The following HSPA12B variants were observed in gnomAD, a reference collection of about 807,000 sequenced individuals.
The protein encoded by HSPA12B is heat shock 70 kDa protein 12B.
HSPA12B carries 54 observed loss-of-function variants against 69.3 expected under a neutral mutation model. The observed-to-expected ratio is 0.78, with a 90% CI of 0.63 to 0.98. The LOEUF (loss-of-function observed/expected upper bound fraction) is 0.98, where lower values mean the gene tolerates loss of function less well. Ranked by LOEUF, HSPA12B falls within the 50% of genes least tolerant of loss-of-function variation. HSPA12B has a pLI of 0.00. For missense variants in HSPA12B, 929 were observed against 999.8 expected, an observed-to-expected ratio of 0.93 and a Z score of 0.96; for synonymous variants, 441 against 436.5, an observed-to-expected ratio of 1.01 and a Z score of -0.13.
chr20:3,748,540 G>A, intron 8 of HSPA12B, 149 bp downstream of exon 8: 1 of 813,562 alleles, frequency 1.2e-6, no homozygotes, highest in Non-Finnish European at 1.8e-6. Context: ...GGTGGAGCCT[G>A]TCTGAGGAAG....
At chr20:3,738,861 T>A in intron 2 of HSPA12B, 144 bp downstream of exon 2, 1 of 797,654 alleles carries the variant, frequency 1.3e-6, no homozygotes, top group Admixed American at 2.1e-5. Context: ...TGTGTGTGCA[T>A]GTGTGCAGGG....
At position 3,745,138 on chromosome 20, in the gene HSPA12B, C is replaced by A; in HGVS notation, c.453+50C>A. The A allele has an allele frequency of 2.9e-6, 4 of 1,389,340 alleles. No individual in the cohort carries two copies. The highest frequency in any genetic ancestry group is 4.0e-6 in the Non-Finnish European group (4 of 988,780). 86.1% of individuals were successfully genotyped at this position (1,389,340 alleles called of 1,614,324 possible). On this transcript the variant is annotated intron_variant, in intron 5 of 12. Coordinates refer to ENST00000254963, the MANE Select transcript of HSPA12B (RefSeq NM_052970.5). The surrounding 1 kb of genome is among the most constrained non-coding windows in gnomAD (Gnocchi z 5.6). ...GAGGCGGGGCCAGCATGGAAAAGGG[C>A]AGGGCTAATGGGGGTGGGTGGGACA...
At position 3,749,323 on chromosome 20, in the gene HSPA12B, G is replaced by A. The variant is rs747310620; in HGVS notation, c.937+5G>A. The A allele has an allele frequency of 5.6e-6, 9 of 1,611,626 alleles. No homozygotes were observed. The highest frequency in any genetic ancestry group is 6.8e-6 in the Non-Finnish European group (8 of 1,178,544). On this transcript the variant is annotated splice_donor_5th_base_variant and intron_variant, in intron 9 of 12. Transcript: ENST00000254963. The surrounding 1 kb of genome is among the most constrained non-coding windows in gnomAD (Gnocchi z 5.5). Reference sequence around the variant, plus strand: ...TGTGGGCAGAGATGCAAGCAGGTAGGGGGAAAGGGGGACGGAGTGTTATCC... The same window carrying A: ...TGTGGGCAGAGATGCAAGCAGGTAGAGGGAAAGGGGGACGGAGTGTTATCC...
chr20:3,735,924 A>G (rs2088102295), intron 1 of HSPA12B, among the ~76,000 whole-genome samples: 1 of 152,186 alleles, frequency 6.6e-6, no homozygotes, highest in Non-Finnish European at 1.5e-5. Context: ...AAGAATCAGA[A>G]CAACATACAA....
intron 1 of HSPA12B, among the ~76,000 whole-genome samples, chr20:3,735,997 A>C (rs547402820): frequency 4.9e-4 from 74 of 152,280 alleles, no homozygotes; most frequent in African/African-American, 1.8e-3. Flanking sequence ...ATGGTTTCCA[A>C]TCAGCTCTGG....
In HSPA12B at chr20:3,752,486, A is replaced by T; in HGVS notation, c.*320A>T. ...GACCCCGAAGGAAGAACGCAACAGAAGAGTCCTGGTCTGAACTTGGCCGAG... is the reference window on the plus strand; with the variant it reads ...GACCCCGAAGGAAGAACGCAACAGATGAGTCCTGGTCTGAACTTGGCCGAG... On this transcript the variant is annotated 3_prime_UTR_variant, in exon 13 of 13. Coordinates refer to ENST00000254963, the MANE Select transcript of HSPA12B (RefSeq NM_052970.5). The T allele has an allele frequency of 5.5e-6, 1 of 182,242 alleles. No homozygotes were observed. The allele number at this position is 182,242 out of a possible 1,614,324, so 11.3% of individuals were successfully genotyped here.
In HSPA12B at chr20:3,749,232, C is replaced by T; in HGVS notation, c.851C>T (p.Ala284Val). 1 of 1,612,320 alleles carries T rather than the reference C, an allele frequency of 6.2e-7. No homozygotes were observed. Among genetic ancestry groups the T allele is most frequent in the Non-Finnish European group, 8.5e-7 (1 of 1,179,308 alleles). Reference sequence around the variant, plus strand: ...CTCCCTGCTGTCTCCTGACCCCCAGCTCGGGAGCAGCTGCGAAGGTCCCGC... The same window carrying T: ...CTCCCTGCTGTCTCCTGACCCCCAGTTCGGGAGCAGCTGCGAAGGTCCCGC... ...RRSIDSSFRQAREQLRRSRHS... is the reference protein window; with the variant it reads ...RRSIDSSFRQVREQLRRSRHS... The change falls in exon 9 of 13, where the codon GCT (alanine) becomes GTT (valine). Residue 284 changes from alanine to valine, a missense_variant and splice_region_variant. Coordinates refer to ENST00000254963, the MANE Select transcript of HSPA12B (RefSeq NM_052970.5). The surrounding 1 kb of genome is among the most constrained non-coding windows in gnomAD (Gnocchi z 5.5).
At chr20:3,735,210 T>C (rs948574848) in intron 1 of HSPA12B, among the ~76,000 whole-genome samples, 2 of 152,212 alleles carry the variant, frequency 1.3e-5, no homozygotes, top group African/African-American at 4.8e-5. Context: ...ATACCTTGCA[T>C]ATCTGGACTT....
At position 3,749,625 on chromosome 20, in the gene HSPA12B, TCCCCCGAC is replaced by T; in HGVS notation, c.938-122_938-115del. 1 of 706,368 alleles carries T rather than the reference TCCCCCGAC, an allele frequency of 1.4e-6. No individual in the cohort carries two copies. 43.8% of individuals were successfully genotyped at this position (706,368 alleles called of 1,614,324 possible). A position where few individuals can be genotyped will look rare whatever the true frequency, so the allele number is the denominator to read the frequency against. On this transcript the variant is annotated intron_variant, in intron 9 of 12. Transcript: ENST00000254963. This position sits in a 1 kb window ranked among gnomAD's most constrained non-coding sequence, Gnocchi z 5.5. ...AAGCACCTGAAGCCCCTCACGTCCC[TCCCCCGAC>T]CCTGCAGACAGGCCTTGGGACCCGG...
rs950734842 is a variant in HSPA12B at position 3,737,778 on chromosome 20, G to T, written c.-17-880G>T. ...AGCACTTTGAGAGGCCGAGGTGGGCGGATCACCTGAGGTCAGGAGTTCGAG... is the reference window on the plus strand; with the variant it reads ...AGCACTTTGAGAGGCCGAGGTGGGCTGATCACCTGAGGTCAGGAGTTCGAG... On this transcript the variant is annotated intron_variant, in intron 1 of 12. Coordinates refer to ENST00000254963, the MANE Select transcript of HSPA12B (RefSeq NM_052970.5). The surrounding 1 kb of genome is among the most constrained non-coding windows in gnomAD (Gnocchi z 4.1). Among the ~76,000 whole-genome samples, 1 of 152,172 alleles carries T rather than the reference G, an allele frequency of 6.6e-6. No individual in the cohort carries two copies. The highest frequency in any genetic ancestry group is 1.5e-5 in the Non-Finnish European group (1 of 68,028).
chr20:3,746,294 GGA>G (rs2088301285), intron 7 of HSPA12B, among the ~76,000 whole-genome samples: 2 of 139,124 alleles, frequency 1.4e-5, no homozygotes, highest in African/African-American at 5.3e-5. Context: ...AGCCCAAGAT[GGA>G]GAGTCTTTTT....
rs971299591 is a variant in HSPA12B, at chr20:3,749,917, C to G, written c.1043-52C>G. 1.9e-5 allele frequency: 30 copies of G among 1,550,828 alleles called. No homozygotes were observed. Among genetic ancestry groups the G allele is most frequent in the Non-Finnish European group, 2.6e-5 (30 of 1,146,876 alleles). Reference sequence around the variant, plus strand: ...CCGGGCTCCGGCCCCGCCACTGCCCCCTGGCGGCCCGGCGAGCGCTGACGC... The same window carrying G: ...CCGGGCTCCGGCCCCGCCACTGCCCGCTGGCGGCCCGGCGAGCGCTGACGC... On this transcript the variant is annotated intron_variant, in intron 10 of 12. Transcript: ENST00000254963. This position sits in a 1 kb window ranked among gnomAD's most constrained non-coding sequence, Gnocchi z 5.5.
At chr20:3,738,779 C>A in intron 2 of HSPA12B, 62 bp downstream of exon 2, 2 of 1,567,320 alleles carry the variant, frequency 1.3e-6, no homozygotes. Flanking sequence ...GCACTGAGAC[C>A]CACCTACAGG....
In HSPA12B at chr20:3,749,425, C is replaced by T; in HGVS notation, c.937+107C>T. ...AGCCCGTCTCTTCCTCCTCCATTCG[C>T]TGTACCCAACCTGGCCGTCCCCTCA... On this transcript the variant is annotated intron_variant, in intron 9 of 12. Coordinates refer to ENST00000254963, the MANE Select transcript of HSPA12B (RefSeq NM_052970.5). This position sits in a 1 kb window ranked among gnomAD's most constrained non-coding sequence, Gnocchi z 5.5. 9.4e-7 allele frequency: 1 copy of T among 1,068,238 alleles called. No homozygotes were observed. The highest frequency in any genetic ancestry group is 2.6e-5 in the East Asian group (1 of 38,290). The allele number at this position is 1,068,238 out of a possible 1,614,324, so 66.2% of individuals were successfully genotyped here. A position where few individuals can be genotyped will look rare whatever the true frequency, so the allele number is the denominator to read the frequency against.
intron 1 of HSPA12B, among the ~76,000 whole-genome samples, chr20:3,734,833 G>A (rs585346): frequency 0.96 from 144,408 of 150,710 alleles, 69,242 homozygotes; most frequent in South Asian, 0.99. Context: ...TCAACCTTCC[G>A]GGCTCAAGCA....
At chr20:3,742,168 T>C in intron 3 of HSPA12B, 116 bp from the exon 4 acceptor site, 2 of 1,467,348 alleles carry the variant, frequency 1.4e-6, no homozygotes, top group Non-Finnish European at 1.8e-6. Context: ...CCAGGGCTGG[T>C]CTGGACCACA....
chr20:3,742,898 G>C (rs922011408), intron 4 of HSPA12B, among the ~76,000 whole-genome samples: 4 of 151,230 alleles, frequency 2.6e-5, no homozygotes, highest in East Asian at 3.9e-4. Flanking sequence ...TTTTGAGACG[G>C]AGTCTCACTC....
chr20:3,752,458 T>C lies in HSPA12B; in HGVS notation c.*292T>C, dbSNP rs955607495. The C allele has an allele frequency of 1.8e-5, 6 of 327,474 alleles. No individual in the cohort carries two copies. Among genetic ancestry groups the C allele is most frequent in the African/African-American group, 6.7e-5 (3 of 44,928 alleles). 20.3% of individuals were successfully genotyped at this position (327,474 alleles called of 1,614,324 possible). On this transcript the variant is annotated 3_prime_UTR_variant, in exon 13 of 13. Transcript: ENST00000254963. The stretch of plus-strand genomic sequence containing the variant: ...AGAGCGCGCAGCCCGGCAAGGGGCA[T>C]GTGACCCCGAAGGAAGAACGCAACA...
rs1265141757 is a variant in HSPA12B at position 3,749,470 on chromosome 20, C to T, written c.937+152C>T. 10 of 743,886 alleles carry T rather than the reference C, an allele frequency of 1.3e-5. No individual in the cohort carries two copies. Among genetic ancestry groups the T allele is most frequent in the Middle Eastern group, 3.6e-4 (1 of 2,742 alleles). 46.1% of individuals were successfully genotyped at this position (743,886 alleles called of 1,614,324 possible). A position where few individuals can be genotyped will look rare whatever the true frequency, so the allele number is the denominator to read the frequency against. Reference sequence around the variant, plus strand: ...CCCTCACAGTCACCCGCACCCCCACCCCACTCACAGCGGCGCCCCTAACTC... The same window carrying T: ...CCCTCACAGTCACCCGCACCCCCACTCCACTCACAGCGGCGCCCCTAACTC... On this transcript the variant is annotated intron_variant, in intron 9 of 12. Transcript: ENST00000254963. This position sits in a 1 kb window ranked among gnomAD's most constrained non-coding sequence, Gnocchi z 5.5.
Sources: allele counts gnomAD v4.1 joint callset (sites outside exome capture counted in the v4.1 genomes callset), GRCh38; gene constraint gnomAD v4.1.1; non-coding constraint Gnocchi (gnomAD v3.1); transcripts MANE v1.5; gene names NCBI Gene and HGNC (gene_info 2026-07-23, HGNC 2026-07-21).